The following AASDH variants were observed in gnomAD, a reference collection of about 807,000 sequenced individuals.
AASDH encodes the protein aminoadipate-semialdehyde dehydrogenase, also known as beta-alanine-activating enzyme.
Under a neutral mutation model 102.3 loss-of-function variants are expected in AASDH, and 81 were observed. That is an observed-to-expected ratio of 0.79 (90% CI 0.66 to 0.95). The LOEUF is 0.95. AASDH is among the 40% of genes least tolerant of loss of function. The pLI is 0.00. For synonymous variants in AASDH, 398 were observed against 454.0 expected (o/e 0.88, Z 1.57); for missense variants, 1,203 against 1,266.2 (o/e 0.95, Z 0.76).
At chr4:56,383,871 C>A (rs1293740389) in intron 2 of AASDH, among the ~76,000 whole-genome samples, 199 bp downstream of exon 2, 1 of 151,654 alleles carries the variant, frequency 6.6e-6, no homozygotes, top group East Asian at 1.9e-4. Flanking sequence ...TCTAGTCTTT[C>A]CTAAATAAGC....
chr4:56,353,966 C>T, intron 8 of AASDH, 73 bp downstream of exon 8: 2 of 1,371,342 alleles, frequency 1.5e-6, no homozygotes, highest in East Asian at 5.1e-5. Context: ...GAGACCCCAG[C>T]ACAGAAAATT....
At chr4:56,365,276 T>C (rs139866057) in intron 5 of AASDH, among the ~76,000 whole-genome samples, 1,953 of 151,396 alleles carry the variant, frequency 0.013, 29 homozygotes, top group African/African-American at 0.044. Flanking sequence ...AATGGGAGAC[T>C]TTCACACCCC....
At chr4:56,374,329 C>T (rs898172211) in intron 4 of AASDH, among the ~76,000 whole-genome samples, 1 of 137,570 alleles carries the variant, frequency 7.3e-6, no homozygotes, top group Non-Finnish European at 1.5e-5. Context: ...GACTGCACTG[C>T]TGCATTCCAG....
chr4:56,365,954 A>C (rs545192451), intron 5 of AASDH, among the ~76,000 whole-genome samples: 1 of 152,328 alleles, frequency 6.6e-6, no homozygotes, highest in South Asian at 2.1e-4. Flanking sequence ...AAAGATCAAC[A>C]AAATTGATAG....
chr4:56,375,144 C>T (rs1267192018), intron 4 of AASDH, among the ~76,000 whole-genome samples: 1 of 151,896 alleles, frequency 6.6e-6, no homozygotes, highest in Non-Finnish European at 1.5e-5. Context: ...CTTGCAGCTG[C>T]CCAAGTTCAA....
chr4:56,349,131 G>T, intron 11 of AASDH, 132 bp downstream of exon 11: 1 of 946,722 alleles, frequency 1.1e-6, no homozygotes, highest in Non-Finnish European at 1.5e-6. Context: ...AATCAGCACA[G>T]GGTTAACTAT....
chr4:56,382,208 C>A (rs1158056436), intron 3 of AASDH: 11 of 322,462 alleles, frequency 3.4e-5, no homozygotes, highest in Non-Finnish European at 1.1e-5. Flanking sequence ...CTCTGGGGGA[C>A]AATTGGCAAT....
chr4:56,350,000 T>C lies in AASDH; in HGVS notation c.1751A>G (p.Asn584Ser), dbSNP rs1748816920. ...GGACTTTAAGGAATCTCCACCACTA[T>C]TTAAGAAGAGTGACTCATCAGGAAC... ...LRVPDESLFLNSGGDSLKSIR... is the reference protein window; with the variant it reads ...LRVPDESLFLSSGGDSLKSIR... Residue 584 changes from asparagine (N) to serine (S), a missense_variant, in exon 11 of 15, where the codon AAT becomes AGT. Transcript: ENST00000205214. The C allele has an allele frequency of 1.2e-6, 2 of 1,610,478 alleles. No individual in the cohort carries two copies. The highest frequency in any genetic ancestry group is 1.7e-6 in the Non-Finnish European group (2 of 1,179,804).
At chr4:56,375,839 G>A (rs1415415288) in intron 4 of AASDH, among the ~76,000 whole-genome samples, 8 of 151,654 alleles carry the variant, frequency 5.3e-5, no homozygotes, top group Non-Finnish European at 1.2e-4. Flanking sequence ...ATCTTTTTGA[G>A]GCTATCAAAA....
intron 5 of AASDH, among the ~76,000 whole-genome samples, chr4:56,362,182 T>C (rs1017113838): frequency 7.9e-5 from 12 of 152,216 alleles, no homozygotes; most frequent in Admixed American, 1.3e-4. Flanking sequence ...GAGGCCTTTT[T>C]CCCCCCACAG....
chr4:56,343,628 A>G lies in AASDH; in HGVS notation c.2709T>C (p.Cys903=). The change falls in exon 13 of 15, where the codon TGT becomes TGC. Residue 903 remains cysteine (C), a synonymous_variant. Transcript: ENST00000205214. The stretch of plus-strand genomic sequence containing the variant: ...ACAAATGATGTGGAATCAGGTTCAA[A>G]CACGGAGAGGAAAAGACAGTTCCTC... ...KCGGTVFSSP[C]LNLIPHHLYF... The G allele has an allele frequency of 6.2e-7, 1 of 1,611,508 alleles. No individual in the cohort carries two copies. Among genetic ancestry groups the G allele is most frequent in the Non-Finnish European group, 8.5e-7 (1 of 1,178,600 alleles).
chr4:56,351,202 T>A (rs1748960086), intron 10 of AASDH, 140 bp downstream of exon 10: 1 of 557,758 alleles, frequency 1.8e-6, no homozygotes, highest in Non-Finnish European at 3.2e-6. Flanking sequence ...ACAAATTGGA[T>A]AAATGAAGAT....
In AASDH at chr4:56,338,324, A is replaced by T. The variant is rs907490154; in HGVS notation, c.*78T>A. 4.8e-6 allele frequency: 7 copies of T among 1,459,058 alleles called. No individual in the cohort carries two copies. The highest frequency in any genetic ancestry group is 2.2e-5 in the Admixed American group (1 of 44,784). 90.4% of individuals were successfully genotyped at this position (1,459,058 alleles called of 1,614,324 possible). A position where few individuals can be genotyped will look rare whatever the true frequency, so the allele number is the denominator to read the frequency against. ...CAAAATATAATCTTCTTTAATATAA[A>T]ATAAGTCCACATGATGTATAATGGT... On this transcript the variant is annotated 3_prime_UTR_variant, in exon 15 of 15. Coordinates refer to ENST00000205214, the MANE Select transcript of AASDH (RefSeq NM_181806.4).
At chr4:56,386,822 AG>A (rs1753619459) in intron 1 of AASDH, among the ~76,000 whole-genome samples, 1 of 145,034 alleles carries the variant, frequency 6.9e-6, no homozygotes, top group African/African-American at 2.5e-5. Flanking sequence ...AAAAAAAAAA[AG>A]GAAAAAAAAA....
intron 12 of AASDH, among the ~76,000 whole-genome samples, chr4:56,344,229 G>A (rs1748059532): frequency 6.6e-6 from 1 of 152,090 alleles, no homozygotes; most frequent in African/African-American, 2.4e-5. Context: ...TTGGATCAAG[G>A]ATATGATATT....
In AASDH at chr4:56,354,806, T is replaced by A; in HGVS notation, c.1109A>T (p.Glu370Val). Residue 370 changes from glutamate (E) to valine (V), a missense_variant, in exon 7 of 15, where the codon GAA (glutamate) becomes GTA (valine). Transcript: ENST00000205214. Reference protein sequence around the residue: ...EKTLNSTLKCELPVQLGFPLL... With the variant: ...EKTLNSTLKCVLPVQLGFPLL... ...TGGAAATCCCAGTTGTACAGGCAAT[T>A]CACATCTATGAAAATAAGATACAGA... The A allele has an allele frequency of 6.3e-7, 1 of 1,598,164 alleles. No individual in the cohort carries two copies. The highest frequency in any genetic ancestry group is 1.1e-5 in the South Asian group (1 of 87,308).
chr4:56,354,284 C>G (rs1015664388), intron 7 of AASDH, 73 bp from the exon 8 acceptor site: 10 of 1,347,220 alleles, frequency 7.4e-6, no homozygotes, highest in Non-Finnish European at 9.8e-6. Flanking sequence ...ATCAACATCT[C>G]CAAAAGTTCA....
chr4:56,382,649 G>C lies in AASDH; in HGVS notation c.231-52C>G, dbSNP rs767987353. ...TAGAATGTCTGTTGATTTAGTATTT[G>C]TTTAAGCATTTCTATTTCTCTATGC... On this transcript the variant is annotated intron_variant, in intron 2 of 14. Transcript: ENST00000205214. The C allele has an allele frequency of 9.6e-6, 15 of 1,557,652 alleles. No individual in the cohort carries two copies. The East Asian group carries it at 3.2e-4, about 34-fold the overall frequency.
intron 5 of AASDH, among the ~76,000 whole-genome samples, chr4:56,370,423 C>T (rs533250543): frequency 6.6e-6 from 1 of 151,774 alleles, no homozygotes; most frequent in South Asian, 2.1e-4. Context: ...AAAGAAAAAA[C>T]AAAAGAAAAG....
Sources: gnomAD v4.1 joint callset for allele counts (sites outside exome capture counted in the v4.1 genomes callset) on GRCh38, gnomAD v4.1.1 for gene constraint, MANE v1.5 for transcripts, NCBI Gene and HGNC (gene_info 2026-07-23, HGNC 2026-07-21) for gene names.